The following ETNPPL variants were observed in gnomAD, a reference collection of about 807,000 sequenced individuals.
ETNPPL encodes ethanolamine-phosphate phospho-lyase.
ETNPPL carries 30 observed loss-of-function variants against 55.5 expected under a neutral mutation model. That is an observed-to-expected ratio of 0.54 (90% CI 0.40 to 0.73). ETNPPL has a LOEUF of 0.73. Ranked by LOEUF, ETNPPL falls within the 30% of genes least tolerant of loss-of-function variation. The pLI is 0.00. For missense variants in ETNPPL, 528 were observed against 607.9 expected (o/e 0.87, Z 1.38); for synonymous variants, 202 against 207.2 (o/e 0.98, Z 0.21).
At chr4:108,761,523 G>A (rs1219584455) in intron 1 of ETNPPL, among the ~76,000 whole-genome samples, 1 of 152,194 alleles carries the variant, frequency 6.6e-6, no homozygotes, top group African/African-American at 2.4e-5. Context: ...TGAGCTGAAA[G>A]CTGCAGACTT....
chr4:108,751,844 T>C (rs903376675), intron 6 of ETNPPL, among the ~76,000 whole-genome samples: 1 of 152,260 alleles, frequency 6.6e-6, no homozygotes, highest in Non-Finnish European at 1.5e-5. Context: ...TTCATTGCTT[T>C]CAGCACTGCT....
rs771201967 is a variant in ETNPPL at position 108,762,940 on chromosome 4, G to GTGCAAGT, written c.-43_-42insACTTGCA. 32 of 1,593,716 alleles carry GTGCAAGT rather than the reference G, an allele frequency of 2.0e-5. No homozygotes were observed. The highest frequency in any genetic ancestry group is 2.4e-5 in the Non-Finnish European group (28 of 1,162,278). Reference sequence around the variant, plus strand: ...GCGCTGCGAAGGTGCAAGGTGCAAGGTCTGCGCGCCTCCTACGCGAGCCTG... The same window carrying GTGCAAGT: ...GCGCTGCGAAGGTGCAAGGTGCAAGGTGCAAGTTCTGCGCGCCTCCTACGCGAGCCTG... On this transcript the variant is annotated 5_prime_UTR_variant, in exon 1 of 13. Coordinates refer to ENST00000296486, the MANE Select transcript of ETNPPL (RefSeq NM_031279.4).
intron 1 of ETNPPL, among the ~76,000 whole-genome samples, chr4:108,761,206 T>G (rs1182500873): frequency 6.6e-6 from 1 of 152,176 alleles, no homozygotes; most frequent in Non-Finnish European, 1.5e-5. Flanking sequence ...GAACTAAAGT[T>G]AAATATATTT....
chr4:108,746,562 G>A, intron 10 of ETNPPL, 33 bp from the exon 11 acceptor site: 1 of 1,605,128 alleles, frequency 6.2e-7, no homozygotes, highest in Non-Finnish European at 8.5e-7. Flanking sequence ...GTGAGTGTAT[G>A]CAAAGGATAA....
At position 108,749,295 on chromosome 4, in the gene ETNPPL, T is replaced by C. The variant is rs907199165; in HGVS notation, c.870A>G (p.Val290=). The C allele has an allele frequency of 1.2e-6, 2 of 1,614,046 alleles. No individual in the cohort carries two copies. The highest frequency in any genetic ancestry group is 1.7e-6 in the Non-Finnish European group (2 of 1,180,034). The part of the protein sequence containing the change: ...MGNGHPVACV[V]TTKEIAEAFS... ...AGGCTTCTGCAATTTCTTTGGTTGTTACCACACATGCCACCGGGTGGCCGT... is the reference window on the plus strand; with the variant it reads ...AGGCTTCTGCAATTTCTTTGGTTGTCACCACACATGCCACCGGGTGGCCGT... The change falls in exon 8 of 13, where the codon GTA becomes GTG. Residue 290 remains valine, a synonymous_variant. Transcript: ENST00000296486.
rs1729451886 is a variant in ETNPPL at position 108,760,276 on chromosome 4, A to G, written c.87T>C (p.Asp29=). ...TCTGGGCTCTCACTATTTTGATGGG[A>G]TCCGATGCAAAGAAAACTTTGCATG... is the stretch of plus-strand genomic sequence containing the variant. ...GPSCKVFFAS[D]PIKIVRAQRQ... is the part of the protein sequence containing the mutation. The change falls in exon 2 of 13, where the codon GAT becomes GAC. Residue 29 remains aspartate (D), a synonymous_variant. Transcript: ENST00000296486. 1 of 1,610,904 alleles carries G rather than the reference A, an allele frequency of 6.2e-7. No individual in the cohort carries two copies. The highest frequency in any genetic ancestry group is 8.5e-7 in the Non-Finnish European group (1 of 1,177,514).
chr4:108,757,417 C>G (rs1729264161), intron 3 of ETNPPL, among the ~76,000 whole-genome samples: 1 of 152,076 alleles, frequency 6.6e-6, no homozygotes, highest in African/African-American at 2.4e-5. Context: ...AGAATAAGGT[C>G]TCATAGCTAA....
At chr4:108,743,190 A>C (rs1418338665) in intron 12 of ETNPPL, among the ~76,000 whole-genome samples, 1 of 152,182 alleles carries the variant, frequency 6.6e-6, no homozygotes, top group Non-Finnish European at 1.5e-5. Context: ...TATGCAACAA[A>C]GCCTCTCAAG....
chr4:108,762,889 G>A lies in ETNPPL; in HGVS notation c.10C>T (p.Leu4=), dbSNP rs752119866. The A allele has an allele frequency of 5.2e-5, 84 of 1,613,962 alleles. No individual in the cohort carries two copies. Among genetic ancestry groups the A allele is most frequent in the Non-Finnish European group, 6.9e-5 (82 of 1,179,942 alleles). ...CCCAGAGTGTCCCGCTTACTGTACA[G>A]CTCGCACATGGTGGCGGGGTGCAGG... MCE[L]YSKRDTLGLR... The change falls in exon 1 of 13, where the codon CTG becomes TTG. Residue 4 remains leucine (L), a synonymous_variant. Transcript: ENST00000296486.
chr4:108,751,114 T>C, intron 6 of ETNPPL, 96 bp from the exon 7 acceptor site: 1 of 822,570 alleles, frequency 1.2e-6, no homozygotes. Context: ...TAAAAATGGC[T>C]AGGAATAGAC....
chr4:108,747,989 T>C lies in ETNPPL; in HGVS notation c.1082+16A>G. ...AAAAAATGAGTAACTACATGACAACTTCATAATGAACATACCTAATATCTC... is the reference window on the plus strand; with the variant it reads ...AAAAAATGAGTAACTACATGACAACCTCATAATGAACATACCTAATATCTC... On this transcript the variant is annotated intron_variant, in intron 9 of 12. Coordinates refer to ENST00000296486, the MANE Select transcript of ETNPPL (RefSeq NM_031279.4). 1 of 1,595,982 alleles carries C rather than the reference T, an allele frequency of 6.3e-7. No homozygotes were observed. Among genetic ancestry groups the C allele is most frequent in the Non-Finnish European group, 8.5e-7 (1 of 1,172,074 alleles).
chr4:108,760,816 C>G (rs979268381), intron 1 of ETNPPL, among the ~76,000 whole-genome samples: 2 of 152,156 alleles, frequency 1.3e-5, no homozygotes, highest in African/African-American at 4.8e-5. Flanking sequence ...GCTACACAGA[C>G]AGTAAATGAG....
chr4:108,762,140 G>A (rs1450034508), intron 1 of ETNPPL: 3 of 257,820 alleles, frequency 1.2e-5, no homozygotes, highest in Non-Finnish European at 2.4e-5. Flanking sequence ...GGTCCACACA[G>A]GGAATATGAC....
chr4:108,756,311 A>G (rs1729192309), intron 4 of ETNPPL, 107 bp downstream of exon 4: 2 of 731,264 alleles, frequency 2.7e-6, no homozygotes, highest in Non-Finnish European at 4.8e-6. Flanking sequence ...ATTGCTCCAT[A>G]TATCTGTCCT....
intron 11 of ETNPPL, among the ~76,000 whole-genome samples, chr4:108,745,930 CAAAAAAAA>C (rs5860940): frequency 1.4e-5 from 1 of 70,896 alleles, no homozygotes; most frequent in Non-Finnish European, 3.6e-5. Flanking sequence ...GACTCCATCT[CAAAAAAAA>C]AAAAAAAAAA....
At chr4:108,750,614 G>GATATATATTTTTTATATAT (rs1164661418) in intron 7 of ETNPPL, among the ~76,000 whole-genome samples, 1 of 121,584 alleles carries the variant, frequency 8.2e-6, no homozygotes, top group African/African-American at 3.3e-5. Context: ...ATATATATAG[G>GATATATATTTTTTATATAT]ATATATATAT....
At chr4:108,755,048 T>C (rs1000367064) in intron 4 of ETNPPL, among the ~76,000 whole-genome samples, 2 of 152,244 alleles carry the variant, frequency 1.3e-5, no homozygotes, top group Admixed American at 6.5e-5. Flanking sequence ...CCTCATGCAA[T>C]ACTTTACGTG....
At position 108,745,886 on chromosome 4, in the gene ETNPPL, A is replaced by C. The variant is rs183905618; in HGVS notation, c.1303+513T>G. Among the ~76,000 whole-genome samples, 7 of 148,790 alleles carry C rather than the reference A, an allele frequency of 4.7e-5. No homozygotes were observed. The East Asian group carries it at 1.0e-3, about 21-fold the overall frequency. On this transcript the variant is annotated intron_variant, in intron 11 of 12. Transcript: ENST00000296486. ...GCGGAGGCTGCAGTGAGCCGAGATC[A>C]CAGCACTACACTCCAGCCTGGATGA...
intron 4 of ETNPPL, 170 bp from the exon 5 acceptor site, chr4:108,754,880 C>T: frequency 1.8e-6 from 1 of 562,278 alleles, no homozygotes; most frequent in Non-Finnish European, 3.1e-6. Flanking sequence ...GCAAGACTGG[C>T]CCTTAATGTG....
Sources: gnomAD v4.1 joint callset for allele counts (sites outside exome capture counted in the v4.1 genomes callset) on GRCh38, gnomAD v4.1.1 for gene constraint, MANE v1.5 for transcripts, NCBI Gene and HGNC (gene_info 2026-07-23, HGNC 2026-07-21) for gene names.